LSAMP: variants seen among roughly 807,000 people sequenced by gnomAD.
LSAMP encodes limbic system associated membrane protein.
A neutral mutation model predicts 38.6 loss-of-function variants in LSAMP; 7 were observed. That is an observed-to-expected ratio of 0.18 (90% CI 0.10 to 0.34). LSAMP has a LOEUF of 0.34. Ranked by LOEUF, LSAMP falls within the 10% of genes least tolerant of loss-of-function variation. LSAMP has a pLI of 1.00. For synonymous variants in LSAMP, 154 were observed against 166.8 expected, an observed-to-expected ratio of 0.92 and a Z score of 0.59; for missense variants, 313 against 420.0, an observed-to-expected ratio of 0.75 and a Z score of 2.23.
chr3:116,003,668 T>A (rs887595271), intron 3 of LSAMP, among the ~76,000 whole-genome samples: 1 of 151,964 alleles, frequency 6.6e-6, no homozygotes, highest in African/African-American at 2.4e-5. Flanking sequence ...CTAAATCCAA[T>A]GATGTTAATA....
intron 1 of LSAMP, among the ~76,000 whole-genome samples, chr3:116,162,768 TAC>T (rs71141856): frequency 0.21 from 30,984 of 147,246 alleles, 3,153 homozygotes; most frequent in Admixed American, 0.25. Context: ...CACACACTTA[TAC>T]ACACACACAC....
chr3:116,183,710 A>T (rs986079984), intron 1 of LSAMP, among the ~76,000 whole-genome samples: 1 of 151,852 alleles, frequency 6.6e-6, no homozygotes, highest in Non-Finnish European at 1.5e-5. Flanking sequence ...ATTTTAGTGA[A>T]TAGTCACCAT....
intron 4 of LSAMP, 114 bp from the exon 5 acceptor site, chr3:115,842,692 C>T: frequency 7.6e-7 from 1 of 1,321,330 alleles, no homozygotes. Flanking sequence ...AGGGAGCCAT[C>T]TTAAAGCTCC....
At chr3:115,997,941 TA>T (rs1331604567) in intron 3 of LSAMP, among the ~76,000 whole-genome samples, 1 of 147,076 alleles carries the variant, frequency 6.8e-6, no homozygotes, top group East Asian at 1.9e-4. Flanking sequence ...CATATAATAT[TA>T]AAAATATTAT....
At chr3:116,305,559 C>T (rs1303512601) in intron 1 of LSAMP, among the ~76,000 whole-genome samples, 1 of 151,020 alleles carries the variant, frequency 6.6e-6, no homozygotes, top group East Asian at 1.9e-4. Flanking sequence ...AAAAAAAATA[C>T]AGAAAGTATG....
intron 1 of LSAMP, among the ~76,000 whole-genome samples, chr3:116,238,668 A>G (rs1378739750): frequency 6.6e-6 from 1 of 152,120 alleles, no homozygotes; most frequent in Non-Finnish European, 1.5e-5. Context: ...TTGTCATGTA[A>G]GTTTCTAATC....
At chr3:116,050,566 C>A (rs1438955952) in intron 2 of LSAMP, among the ~76,000 whole-genome samples, 1 of 151,392 alleles carries the variant, frequency 6.6e-6, no homozygotes, top group African/African-American at 2.4e-5. Flanking sequence ...GTCACATGGT[C>A]AAAAATGGGT....
chr3:115,886,456 C>A (rs1014705131), intron 3 of LSAMP, among the ~76,000 whole-genome samples: 1 of 151,694 alleles, frequency 6.6e-6, no homozygotes, highest in Non-Finnish European at 1.5e-5. Flanking sequence ...AAAATCAGAA[C>A]AACAAAAGGT....
chr3:115,836,277 T>C (rs1264398719), intron 6 of LSAMP, among the ~76,000 whole-genome samples: 1 of 152,238 alleles, frequency 6.6e-6, no homozygotes, highest in Non-Finnish European at 1.5e-5. Context: ...AATTCCATCC[T>C]ATTCACGTAT....
In LSAMP at chr3:115,926,635, T is replaced by C. The variant is rs946733289; in HGVS notation, c.515-74018A>G. On this transcript the variant is annotated intron_variant, in intron 3 of 6. Coordinates refer to ENST00000490035, the MANE Select transcript of LSAMP (RefSeq NM_002338.5). ...GGTGTGCTCCTCTGGAGTCCTGAAA[T>C]GCTCCACAAGGATGCAGACGTGCAT... Among the ~76,000 whole-genome samples, 9 of 152,282 alleles carry C rather than the reference T, an allele frequency of 5.9e-5. No homozygotes were observed. The South Asian group carries it at 1.0e-3, about 18-fold the overall frequency.
chr3:115,972,783 A>G (rs1172841304), intron 3 of LSAMP, among the ~76,000 whole-genome samples: 1 of 150,938 alleles, frequency 6.6e-6, no homozygotes, highest in Non-Finnish European at 1.5e-5. Flanking sequence ...AAAATATAGA[A>G]AATAATAGAT....
intron 1 of LSAMP, among the ~76,000 whole-genome samples, chr3:116,156,968 G>A (rs1003016243): frequency 6.6e-6 from 1 of 152,208 alleles, no homozygotes. Flanking sequence ...TATAAGGAAG[G>A]ATATTCTAAG....
At chr3:116,136,909 T>TA (rs1709262552) in intron 1 of LSAMP, among the ~76,000 whole-genome samples, 1 of 152,112 alleles carries the variant, frequency 6.6e-6, no homozygotes, top group African/African-American at 2.4e-5. Context: ...GGGACTGCCA[T>TA]AAAAAATACC....
At chr3:115,939,202 A>T (rs2107554629) in intron 3 of LSAMP, among the ~76,000 whole-genome samples, 2 of 152,270 alleles carry the variant, frequency 1.3e-5, no homozygotes, top group Admixed American at 1.3e-4. Context: ...TACCATCGAG[A>T]TGTAATTTTT....
At chr3:116,079,407 C>T (rs1243932089) in intron 2 of LSAMP, among the ~76,000 whole-genome samples, 1 of 152,040 alleles carries the variant, frequency 6.6e-6, no homozygotes, top group Non-Finnish European at 1.5e-5. Flanking sequence ...GCCTGTAATC[C>T]CAGCACAATG....
intron 2 of LSAMP, among the ~76,000 whole-genome samples, chr3:116,024,782 A>G (rs1210174293): frequency 6.6e-6 from 1 of 151,230 alleles, no homozygotes; most frequent in Non-Finnish European, 1.5e-5. Context: ...TCTGGGAAGT[A>G]AAATGTATTA....
chr3:116,422,400 A>G (rs554415122), intron 1 of LSAMP, among the ~76,000 whole-genome samples: 2 of 152,376 alleles, frequency 1.3e-5, no homozygotes, highest in African/African-American at 4.8e-5. Flanking sequence ...ATCAGGTATT[A>G]TAAATAATCT....
chr3:116,110,699 A>C (rs1261859503), intron 1 of LSAMP, among the ~76,000 whole-genome samples: 1 of 152,084 alleles, frequency 6.6e-6, no homozygotes, highest in Admixed American at 6.5e-5. Context: ...CGGTCTGAGG[A>C]CCTGAGGTCA....
At chr3:115,825,752 A>G (rs1004478880) in intron 6 of LSAMP, among the ~76,000 whole-genome samples, 1 of 152,204 alleles carries the variant, frequency 6.6e-6, no homozygotes. Flanking sequence ...AGGTATAAAG[A>G]TCAAATGAGG....
Sources: gnomAD v4.1 joint callset for allele counts (sites outside exome capture counted in the v4.1 genomes callset) on GRCh38, gnomAD v4.1.1 for gene constraint, MANE v1.5 for transcripts, NCBI Gene and HGNC (gene_info 2026-07-23, HGNC 2026-07-21) for gene names.